The following NAALADL2 variants were observed in gnomAD, a reference collection of about 807,000 sequenced individuals.
The protein encoded by NAALADL2 is inactive N-acetylated-alpha-linked acidic dipeptidase-like protein 2.
NAALADL2 carries 76 observed loss-of-function variants against 87.2 expected under a neutral mutation model. The observed-to-expected ratio is 0.87, with a 90% CI of 0.72 to 1.05. NAALADL2 has a LOEUF of 1.05. Among genes scored for constraint, NAALADL2 ranks in the 50% least tolerant of loss-of-function variants. The pLI, the probability that NAALADL2 is intolerant of heterozygous loss-of-function variation, is 0.00. For missense variants in NAALADL2, 1,089 were observed against 945.8 expected (o/e 1.15, Z -1.99); for synonymous variants, 354 against 331.0 (o/e 1.07, Z -0.75).
chr3:175,123,951 G>T (rs1173108387), intron 2 of NAALADL2, among the ~76,000 whole-genome samples: 1 of 151,736 alleles, frequency 6.6e-6, no homozygotes, highest in Non-Finnish European at 1.5e-5. Context: ...ATTTGTACTT[G>T]CAAAGGGATA....
At chr3:175,736,046 T>C (rs1031886798) in intron 11 of NAALADL2, among the ~76,000 whole-genome samples, 2 of 152,180 alleles carry the variant, frequency 1.3e-5, no homozygotes, top group African/African-American at 2.4e-5. Context: ...GGGACATTCG[T>C]TAAGCCCAGG....
chr3:175,578,179 A>G (rs894781210), intron 10 of NAALADL2, among the ~76,000 whole-genome samples: 3 of 152,122 alleles, frequency 2.0e-5, no homozygotes, highest in African/African-American at 7.2e-5. Flanking sequence ...TAGTCCCAGC[A>G]CTTTAGGAAG....
At chr3:174,685,693 AGG>A (rs1727964940) in intron 2 of NAALADL2, among the ~76,000 whole-genome samples, 1 of 151,722 alleles carries the variant, frequency 6.6e-6, no homozygotes, top group Non-Finnish European at 1.5e-5. Flanking sequence ...TTATAAGTTC[AGG>A]GGTACATTTG....
intron 11 of NAALADL2, among the ~76,000 whole-genome samples, chr3:175,666,506 A>C (rs563837673): frequency 6.6e-6 from 1 of 152,288 alleles, no homozygotes; most frequent in African/African-American, 2.4e-5. Context: ...TTTATTTAAA[A>C]GTACTTTTTC....
chr3:174,543,888 A>C (rs1722487923), intron 1 of NAALADL2, among the ~76,000 whole-genome samples: 1 of 151,852 alleles, frequency 6.6e-6, no homozygotes, highest in African/African-American at 2.4e-5. Flanking sequence ...TGCACCTGTA[A>C]TCCCAGCTAC....
At chr3:175,118,740 ATC>A (rs1159089174) in intron 2 of NAALADL2, among the ~76,000 whole-genome samples, 2 of 151,786 alleles carry the variant, frequency 1.3e-5, no homozygotes, top group Non-Finnish European at 2.9e-5. Flanking sequence ...GTTCTGCACA[ATC>A]TCTGCTGTAA....
At chr3:175,566,954 G>A (rs1285115585) in intron 9 of NAALADL2, among the ~76,000 whole-genome samples, 1 of 152,024 alleles carries the variant, frequency 6.6e-6, no homozygotes, top group African/African-American at 2.4e-5. Context: ...ATTCAAACAT[G>A]TCTTTTTCAT....
chr3:174,957,239 T>A (rs1465847893), intron 1 of NAALADL2, among the ~76,000 whole-genome samples: 3 of 151,984 alleles, frequency 2.0e-5, no homozygotes, highest in Non-Finnish European at 4.4e-5. Context: ...GCATCTGCCT[T>A]TCCTCATTCT....
At chr3:175,302,834 ATATATGTGTGTGTATGTG>A (rs1757249253) in intron 4 of NAALADL2, among the ~76,000 whole-genome samples, 1 of 144,182 alleles carries the variant, frequency 6.9e-6, no homozygotes, top group Non-Finnish European at 1.5e-5. Context: ...ACGTGTGTGT[ATATATGTGTGTGTATGTG>A]TGTGTGTGTG....
At chr3:175,010,595 TTTTG>T (rs1400944561) in intron 1 of NAALADL2, among the ~76,000 whole-genome samples, 5 of 152,296 alleles carry the variant, frequency 3.3e-5, no homozygotes, top group African/African-American at 7.2e-5. Context: ...ACACAATGGT[TTTTG>T]TTTGTTTGTT....
chr3:174,873,975 G>A (rs1728175086), intron 1 of NAALADL2, among the ~76,000 whole-genome samples: 2 of 152,016 alleles, frequency 1.3e-5, no homozygotes, highest in Non-Finnish European at 2.9e-5. Context: ...CATGACTAGT[G>A]TGTTTGGAGA....
intron 11 of NAALADL2, among the ~76,000 whole-genome samples, chr3:175,713,956 C>G (rs1740890831): frequency 6.6e-6 from 1 of 152,126 alleles, no homozygotes; most frequent in Non-Finnish European, 1.5e-5. Flanking sequence ...GTTCAACTCC[C>G]ACTTATGAGT....
At chr3:174,845,014 T>A (rs960435725) in intron 3 of NAALADL2, among the ~76,000 whole-genome samples, 1 of 152,002 alleles carries the variant, frequency 6.6e-6, no homozygotes, top group African/African-American at 2.4e-5. Flanking sequence ...GGCTAGTGAC[T>A]TTTTGGAAAA....
chr3:175,311,532 G>C (rs1184587323), intron 4 of NAALADL2, among the ~76,000 whole-genome samples: 1 of 152,028 alleles, frequency 6.6e-6, no homozygotes, highest in East Asian at 1.9e-4. Context: ...GCCACAATGG[G>C]AAATTAGTTT....
At chr3:174,559,743 T>C (rs527262523) in intron 2 of NAALADL2, among the ~76,000 whole-genome samples, 19 of 152,264 alleles carry the variant, frequency 1.2e-4, no homozygotes, top group African/African-American at 4.6e-4. Flanking sequence ...GAGGGTCCCT[T>C]TTATAAGGGT....
At chr3:175,410,944 A>G (rs1221862839) in intron 5 of NAALADL2, among the ~76,000 whole-genome samples, 1 of 152,202 alleles carries the variant, frequency 6.6e-6, no homozygotes, top group Admixed American at 6.5e-5. Context: ...TAGACATCAC[A>G]ATAAGAAGCC....
intron 2 of NAALADL2, among the ~76,000 whole-genome samples, chr3:174,569,655 T>A (rs1169748011): frequency 6.6e-6 from 1 of 152,136 alleles, no homozygotes; most frequent in East Asian, 1.9e-4. Flanking sequence ...TGAATTTTGT[T>A]TTAGCAGGGA....
At chr3:174,940,831 G>T (rs371363051) in intron 1 of NAALADL2, among the ~76,000 whole-genome samples, 135 of 152,126 alleles carry the variant, frequency 8.9e-4, no homozygotes, top group African/African-American at 3.1e-3. Context: ...TCTGATGGTT[G>T]TATTTCTGTG....
chr3:174,549,691 A>G (rs1194757459), intron 1 of NAALADL2, among the ~76,000 whole-genome samples: 1 of 152,174 alleles, frequency 6.6e-6, no homozygotes, highest in Non-Finnish European at 1.5e-5. Context: ...AGGGAAAAGC[A>G]ATTTTAGGTA....
Sources: gnomAD v4.1 joint callset for allele counts (sites outside exome capture counted in the v4.1 genomes callset) on GRCh38, gnomAD v4.1.1 for gene constraint, MANE v1.5 for transcripts, NCBI Gene and HGNC (gene_info 2026-07-23, HGNC 2026-07-21) for gene names.